Variants in PDE10A observed in about 807,000 individuals in gnomAD.
PDE10A encodes cAMP and cAMP-inhibited cGMP 3',5'-cyclic phosphodiesterase 10A.
In PDE10A, 39 loss-of-function variants were observed where a neutral mutation model predicts 97.7. The ratio of observed to expected loss-of-function variants is 0.40; its 90% CI spans 0.31 to 0.52. The LOEUF (loss-of-function observed/expected upper bound fraction) is 0.52. PDE10A is among the 20% of genes least tolerant of loss of function. The pLI is 0.56. For synonymous variants in PDE10A, 371 were observed against 376.8 expected (o/e 0.98, Z 0.18); for missense variants, 731 against 1,047.8 (o/e 0.70, Z 4.17).
Position 165,512,457 on chromosome 6 carries a change from G to T in PDE10A, c.995-30114C>A, listed in dbSNP as rs575738701. ...TTGACAAGTTTTAAAAAAAAATTCA[G>T]CACTTTGAATATATCATTCTACTCT... On this transcript the variant is annotated intron_variant, in intron 2 of 21. Coordinates refer to ENST00000539869, the MANE Select transcript of PDE10A (RefSeq NM_001385079.1). Among the ~76,000 whole-genome samples, 17 of 151,942 alleles carry T rather than the reference G, an allele frequency of 1.1e-4. 1 individual carries two copies. In the South Asian group the frequency reaches 3.5e-3, roughly 32 times the overall value.
At chr6:165,752,651 T>C (rs1229468196) in intron 1 of PDE10A, among the ~76,000 whole-genome samples, 3 of 152,222 alleles carry the variant, frequency 2.0e-5, no homozygotes, top group Admixed American at 6.5e-5. Context: ...GGCAGTCCCT[T>C]TGCCAAACAT....
At chr6:165,666,461 A>G (rs1023578491), upstream of PDE10A, among the ~76,000 whole-genome samples, 1 of 152,240 alleles carries the variant, frequency 6.6e-6, no homozygotes, top group African/African-American at 2.4e-5. Context: ...TCCCAAGCTC[A>G]ATAAAATTAT....
chr6:165,895,874 G>A (rs1781930102), intron 1 of PDE10A, among the ~76,000 whole-genome samples: 1 of 152,094 alleles, frequency 6.6e-6, no homozygotes, highest in African/African-American at 2.4e-5. Flanking sequence ...TCCTCCCCTG[G>A]TCCTGGCTTC....
intron 1 of PDE10A, among the ~76,000 whole-genome samples, chr6:165,803,183 A>G (rs1364900903): frequency 2.0e-5 from 3 of 152,198 alleles, no homozygotes; most frequent in Non-Finnish European, 4.4e-5. Context: ...CAGATAAGTC[A>G]TCTCTGAATA....
intron 1 of PDE10A, among the ~76,000 whole-genome samples, chr6:165,847,754 G>A (rs984727240): frequency 6.6e-6 from 1 of 152,220 alleles, no homozygotes; most frequent in Non-Finnish European, 1.5e-5. Context: ...CAACAGTTAA[G>A]GGAACTAAAT....
At chr6:165,485,889 C>T (rs528271043) in intron 2 of PDE10A, among the ~76,000 whole-genome samples, 6 of 152,300 alleles carry the variant, frequency 3.9e-5, no homozygotes, top group Non-Finnish European at 8.8e-5. Flanking sequence ...CTACCGCGCC[C>T]GGCGGAGAGC....
intron 1 of PDE10A, among the ~76,000 whole-genome samples, chr6:165,692,614 T>A (rs1791332827): frequency 6.6e-6 from 1 of 152,168 alleles, no homozygotes; most frequent in Non-Finnish European, 1.5e-5. Flanking sequence ...TGGTTAAATA[T>A]ATCAAGAGAA....
intron 1 of PDE10A, among the ~76,000 whole-genome samples, chr6:165,766,547 C>T (rs548474641): frequency 6.6e-6 from 1 of 152,308 alleles, no homozygotes; most frequent in South Asian, 2.1e-4. Flanking sequence ...GTCAATCTTC[C>T]GTGGGATTGT....
chr6:165,639,738 C>CA (rs35358593), intron 1 of PDE10A, among the ~76,000 whole-genome samples: 35,157 of 102,402 alleles, frequency 0.34, 5,949 homozygotes, highest in East Asian at 0.6. Context: ...GACTCTGTCC[C>CA]AAAAAAAAAA....
intron 1 of PDE10A, among the ~76,000 whole-genome samples, chr6:165,613,538 C>T (rs1332841368): frequency 6.6e-6 from 1 of 152,048 alleles, no homozygotes; most frequent in Non-Finnish European, 1.5e-5. Context: ...ATTCGGGAAG[C>T]TAAGGTGTGG....
intron 1 of PDE10A, among the ~76,000 whole-genome samples, chr6:165,653,495 G>A (rs538439664): frequency 7.9e-5 from 12 of 152,214 alleles, no homozygotes; most frequent in African/African-American, 2.7e-4. Context: ...CCAGCCATGC[G>A]CTGAATCACA....
intron 1 of PDE10A, among the ~76,000 whole-genome samples, chr6:165,602,642 T>C (rs1012365948): frequency 5.9e-5 from 9 of 152,142 alleles, no homozygotes; most frequent in Admixed American, 2.0e-4. Flanking sequence ...TTTGTGAAAT[T>C]TGAAAAAGGT....
chr6:165,394,100 G>A (rs955852651), intron 15 of PDE10A, among the ~76,000 whole-genome samples: 1 of 151,760 alleles, frequency 6.6e-6, no homozygotes, highest in Non-Finnish European at 1.5e-5. Flanking sequence ...TAAGTTCTGG[G>A]GTCCACGTGC....
intron 1 of PDE10A, among the ~76,000 whole-genome samples, chr6:165,544,866 T>C (rs1398166488): frequency 6.6e-6 from 1 of 151,838 alleles, no homozygotes; most frequent in African/African-American, 2.4e-5. Context: ...TAGAGTTGTA[T>C]AAGACAAATG....
intron 1 of PDE10A, among the ~76,000 whole-genome samples, chr6:165,887,727 A>T (rs994574726): frequency 5.3e-5 from 8 of 152,120 alleles, no homozygotes; most frequent in Non-Finnish European, 1.0e-4. Context: ...ACATTTTCTC[A>T]CCAGTCTCAC....
intron 18 of PDE10A, among the ~76,000 whole-genome samples, chr6:165,362,017 T>G (rs1205847288): frequency 1.3e-5 from 2 of 152,078 alleles, no homozygotes; most frequent in Non-Finnish European, 2.9e-5. Flanking sequence ...ACACAATATA[T>G]CAAAGCTCAT....
At chr6:165,644,048 A>T (rs976296373) in intron 1 of PDE10A, among the ~76,000 whole-genome samples, 2 of 152,076 alleles carry the variant, frequency 1.3e-5, no homozygotes, top group African/African-American at 2.4e-5. Context: ...ACATCCTCAG[A>T]AAAATTCATT....
rs1020103251 is a variant in PDE10A, at chr6:165,494,188, G to C, written c.995-11845C>G. Among the ~76,000 whole-genome samples the C allele has an allele frequency of 3.3e-5, 5 of 152,012 alleles. No homozygotes were observed. The South Asian group carries it at 1.0e-3, about 32-fold the overall frequency. ...AAATCACTGATGTTGGAGTGGATGT[G>C]GTGGAAAGGGAATACTCTTACACTG... On this transcript the variant is annotated intron_variant, in intron 2 of 21. Transcript: ENST00000539869.
chr6:165,963,777 T>C (rs1360014728), intron 1 of PDE10A, among the ~76,000 whole-genome samples: 1 of 152,168 alleles, frequency 6.6e-6, no homozygotes, highest in Non-Finnish European at 1.5e-5. Context: ...TGCTGGCACG[T>C]CCTCCTTGAC....
Sources: allele counts gnomAD v4.1 joint callset (sites outside exome capture counted in the v4.1 genomes callset), GRCh38; gene constraint gnomAD v4.1.1; transcripts MANE v1.5; gene names NCBI Gene and HGNC (gene_info 2026-07-23, HGNC 2026-07-21).